Variants in CWC27 observed in about 807,000 individuals in gnomAD.
CWC27 encodes CWC27 spliceosome associated cyclophilin.
In CWC27, 47 loss-of-function variants were observed where a neutral mutation model predicts 63.6. The observed-to-expected ratio is 0.74, with a 90% CI of 0.58 to 0.94. The LOEUF (loss-of-function observed/expected upper bound fraction) is 0.94. CWC27 is among the 40% of genes least tolerant of loss of function. CWC27 has a pLI of 0.00. For synonymous variants in CWC27, 175 were observed against 179.8 expected, an observed-to-expected ratio of 0.97 and a Z score of 0.22; for missense variants, 495 against 554.3, an observed-to-expected ratio of 0.89 and a Z score of 1.07.
intron 11 of CWC27, among the ~76,000 whole-genome samples, chr5:64,910,945 T>A (rs1010737251): frequency 6.6e-6 from 1 of 152,150 alleles, no homozygotes. Flanking sequence ...CAGCTTGCCC[T>A]CCGTGGGCTG....
chr5:64,898,456 T>A lies in CWC27; in HGVS notation c.1042+12910T>A, dbSNP rs1488250779. Among the ~76,000 whole-genome samples, 43 of 152,312 alleles carry A rather than the reference T, an allele frequency of 2.8e-4. 1 individual carries two copies. The highest frequency in any genetic ancestry group is 1.5e-5 in the Non-Finnish European group (1 of 68,012). On this transcript the variant is annotated intron_variant, in intron 11 of 13. Coordinates refer to ENST00000381070, the MANE Select transcript of CWC27 (RefSeq NM_005869.4). ...TAGTTAAAATGACCAGAAGTATAACTTCTTAAAACTTGCACATAGTAGATA... is the reference window on the plus strand; with the variant it reads ...TAGTTAAAATGACCAGAAGTATAACATCTTAAAACTTGCACATAGTAGATA...
chr5:64,877,560 G>A (rs1746823238), intron 10 of CWC27, among the ~76,000 whole-genome samples: 5 of 151,948 alleles, frequency 3.3e-5, no homozygotes, highest in Admixed American at 3.3e-4. Context: ...GGGAGGACTT[G>A]AAATTTACAC....
At chr5:64,961,736 C>G (rs139267767) in intron 11 of CWC27, among the ~76,000 whole-genome samples, 88 of 152,282 alleles carry the variant, frequency 5.8e-4, no homozygotes, top group African/African-American at 1.9e-3. Flanking sequence ...ACCTTTGTAT[C>G]ATACATACCT....
rs180989974 is a variant in CWC27, at chr5:64,991,935, A to G, written c.1256+14697A>G. Among the ~76,000 whole-genome samples the G allele has an allele frequency of 5.9e-5, 9 of 152,288 alleles. No homozygotes were observed. In the East Asian group the frequency reaches 1.5e-3, roughly 26 times the overall value. Reference sequence around the variant, plus strand: ...TTTGGGCCAATTATCAGTTAGTCAGATTAGTTAATAAAATTATACAGAATA... The same window carrying G: ...TTTGGGCCAATTATCAGTTAGTCAGGTTAGTTAATAAAATTATACAGAATA... On this transcript the variant is annotated intron_variant, in intron 13 of 13. Transcript: ENST00000381070.
rs192180143 is a variant in CWC27 at position 64,873,774 on chromosome 5, G to A, written c.939-11669G>A. 5.3e-5 allele frequency among the ~76,000 whole-genome samples: 8 copies of A among 152,144 alleles called. No homozygotes were observed. The East Asian group carries it at 1.5e-3, about 29-fold the overall frequency. On this transcript the variant is annotated intron_variant, in intron 10 of 13. Transcript: ENST00000381070. ...TTGCCCTAAACCAATGTCCTGAGGT[G>A]TTTTCTCTATGTTTTCTTTTAGTAG...
intron 10 of CWC27, 159 bp downstream of exon 10, chr5:64,804,545 TAAA>T: frequency 1.6e-6 from 1 of 611,702 alleles, no homozygotes; most frequent in Non-Finnish European, 2.7e-6. Context: ...AGGCCTAAAA[TAAA>T]ATACACCAAG....
chr5:64,972,704 A>G (rs1333141965), intron 12 of CWC27: 2 of 453,038 alleles, frequency 4.4e-6, no homozygotes, highest in Admixed American at 2.4e-5. Context: ...CTAAATAGCA[A>G]CCATAGTGAC....
At chr5:64,787,091 G>C (rs983988216) in intron 6 of CWC27, among the ~76,000 whole-genome samples, 3 of 152,148 alleles carry the variant, frequency 2.0e-5, no homozygotes, top group African/African-American at 7.2e-5. Context: ...AGTATCATGA[G>C]AACAGCTTTG....
chr5:64,798,938 C>T (rs1243828302), intron 7 of CWC27, among the ~76,000 whole-genome samples: 2 of 152,122 alleles, frequency 1.3e-5, no homozygotes, highest in East Asian at 3.9e-4. Flanking sequence ...CATCTTCCCC[C>T]CTCAAGATAC....
chr5:64,888,126 G>A (rs553887140), intron 11 of CWC27, among the ~76,000 whole-genome samples: 1 of 151,798 alleles, frequency 6.6e-6, no homozygotes, highest in African/African-American at 2.4e-5. Flanking sequence ...TACAAGATCA[G>A]CCGGAAGTAT....
At chr5:65,003,251 T>G (rs1749766556) in intron 13 of CWC27, among the ~76,000 whole-genome samples, 1 of 152,256 alleles carries the variant, frequency 6.6e-6, no homozygotes, top group Non-Finnish European at 1.5e-5. Flanking sequence ...TGGCTTTGCC[T>G]TTTAAGCAGC....
intron 11 of CWC27, among the ~76,000 whole-genome samples, chr5:64,920,452 G>T (rs1447938278): frequency 6.6e-6 from 1 of 152,114 alleles, no homozygotes; most frequent in Admixed American, 6.5e-5. Context: ...TTGTGTCTCT[G>T]CTAGGCTTTG....
At chr5:64,798,279 T>A (rs1744352653) in intron 7 of CWC27, among the ~76,000 whole-genome samples, 1 of 152,208 alleles carries the variant, frequency 6.6e-6, no homozygotes, top group Non-Finnish European at 1.5e-5. Context: ...TCACTGTGTT[T>A]CAACAAATGG....
rs774144494 is a variant in CWC27 at position 64,885,556 on chromosome 5, T to C, written c.1042+10T>C. ...GAAAAAAGAAGTGAAGGTAAGGGCA[T>C]TTATCACGCTTATTTTTTCACTTGA... On this transcript the variant is annotated intron_variant, in intron 11 of 13. Transcript: ENST00000381070. 1.2e-5 allele frequency: 19 copies of C among 1,574,690 alleles called. No individual in the cohort carries two copies. In the South Asian group the frequency reaches 1.7e-4, roughly 14 times the overall value.
chr5:64,827,190 ACTT>A (rs1261257861), intron 10 of CWC27, among the ~76,000 whole-genome samples: 4 of 152,122 alleles, frequency 2.6e-5, no homozygotes, highest in Non-Finnish European at 4.4e-5. Flanking sequence ...AAAATTGTAA[ACTT>A]CTCTAATGAG....
At chr5:64,902,531 T>C (rs1489442142) in intron 11 of CWC27, among the ~76,000 whole-genome samples, 1 of 152,204 alleles carries the variant, frequency 6.6e-6, no homozygotes, top group Non-Finnish European at 1.5e-5. Flanking sequence ...GAATTGCCCA[T>C]ATATACATGG....
At chr5:64,770,415 A>G (rs1363632743) in intron 1 of CWC27, among the ~76,000 whole-genome samples, 1 of 152,186 alleles carries the variant, frequency 6.6e-6, no homozygotes, top group African/African-American at 2.4e-5. Context: ...TAGAGATTGA[A>G]TAGATTTACC....
chr5:64,817,789 T>G (rs1452665053), intron 10 of CWC27, among the ~76,000 whole-genome samples: 1 of 152,150 alleles, frequency 6.6e-6, no homozygotes. Flanking sequence ...GTTATTTAAT[T>G]TATGTGTGTG....
intron 10 of CWC27, chr5:64,807,736 G>A (rs998899206): frequency 8.5e-6 from 13 of 1,535,616 alleles, no homozygotes; most frequent in South Asian, 3.6e-5. Flanking sequence ...TTACTCACTC[G>A]CCACAATGTT....
Sources: allele counts gnomAD v4.1 joint callset (sites outside exome capture counted in the v4.1 genomes callset), GRCh38; gene constraint gnomAD v4.1.1; transcripts MANE v1.5; gene names NCBI Gene and HGNC (gene_info 2026-07-23, HGNC 2026-07-21).